Variants in FARS2 observed in about 807,000 individuals in gnomAD.
FARS2 encodes the protein phenylalanine--tRNA ligase, mitochondrial.
A neutral mutation model predicts 46.4 loss-of-function variants in FARS2; 40 were observed. The ratio of observed to expected loss-of-function variants is 0.86; its 90% CI spans 0.67 to 1.12. FARS2 has a LOEUF of 1.12. Ranked by LOEUF, FARS2 falls within the 50% of genes most tolerant of loss-of-function variation. The pLI is 0.00. For synonymous variants in FARS2, 234 were observed against 214.9 expected (o/e 1.09, Z -0.78); for missense variants, 513 against 567.9 (o/e 0.90, Z 0.98).
chr6:5,708,280 A>T (rs1219647745), intron 6 of FARS2, among the ~76,000 whole-genome samples: 1 of 152,132 alleles, frequency 6.6e-6, no homozygotes, highest in Non-Finnish European at 1.5e-5. Context: ...GTTGAACCTA[A>T]ATCTTGCATT....
chr6:5,255,531 A>G, the FARS2 span, among the ~76,000 whole-genome samples: 26 of 152,246 alleles, frequency 1.7e-4, no homozygotes, highest in South Asian at 5.4e-3. Context: ...AATGCGTCCC[A>G]CATAAATGAA....
intron 2 of FARS2, among the ~76,000 whole-genome samples, chr6:5,392,845 ATATAT>A (rs1300534199): frequency 5.6e-4 from 60 of 107,544 alleles, no homozygotes; most frequent in African/African-American, 1.8e-3. Flanking sequence ...ATATGTGTGT[ATATAT>A]TATATGTGTG....
chr6:5,542,242 A>G (rs1359206267), intron 4 of FARS2, among the ~76,000 whole-genome samples: 1 of 152,004 alleles, frequency 6.6e-6, no homozygotes, highest in Non-Finnish European at 1.5e-5. Context: ...TCCTTATTTT[A>G]CCCAGCTCCT....
chr6:5,749,619 G>A (rs554396933), intron 6 of FARS2, among the ~76,000 whole-genome samples: 4 of 152,312 alleles, frequency 2.6e-5, no homozygotes, highest in African/African-American at 7.2e-5. Context: ...AGGCCCCTGT[G>A]AACAGTGTTT....
At chr6:5,252,291 C>T in the FARS2 span, among the ~76,000 whole-genome samples, 2 of 152,162 alleles carry the variant, frequency 1.3e-5, no homozygotes, top group Non-Finnish European at 2.9e-5. Context: ...GGGAGCGAGG[C>T]GGCCTTCTAA....
intron 4 of FARS2, among the ~76,000 whole-genome samples, chr6:5,498,067 G>A (rs921912261): frequency 3.9e-5 from 6 of 152,182 alleles, no homozygotes; most frequent in Admixed American, 3.3e-4. Context: ...GGGAATGGAA[G>A]GGACTCTCTA....
At chr6:5,600,626 A>T (rs1288655235) in intron 5 of FARS2, among the ~76,000 whole-genome samples, 1 of 152,240 alleles carries the variant, frequency 6.6e-6, no homozygotes, top group African/African-American at 2.4e-5. Flanking sequence ...CTGATAGTGC[A>T]TGCTATTTTT....
At chr6:5,344,173 G>A (rs1179537604) in intron 1 of FARS2, among the ~76,000 whole-genome samples, 1 of 152,174 alleles carries the variant, frequency 6.6e-6, no homozygotes, top group Non-Finnish European at 1.5e-5. Context: ...TGTGATTCAG[G>A]AAAGCCACTG....
intron 3 of FARS2, among the ~76,000 whole-genome samples, chr6:5,429,717 G>C (rs1377951926): frequency 6.6e-6 from 1 of 152,200 alleles, no homozygotes; most frequent in Non-Finnish European, 1.5e-5. Flanking sequence ...GGCTGAGCCA[G>C]GAGGATTGCT....
rs376615729 is a variant in FARS2 at position 5,712,107 on chromosome 6, TATTTTAA to T, written c.1218-59181_1218-59175del. On this transcript the variant is annotated intron_variant, in intron 6 of 6. Coordinates refer to ENST00000274680, the MANE Select transcript of FARS2 (RefSeq NM_006567.5). ...TTTTAAAGCGTTCACTTTACCAGATTATTTTAAATATTAAAAAAATACCAAGATGAAA... is the reference window on the plus strand; with the variant it reads ...TTTTAAAGCGTTCACTTTACCAGATTATATTAAAAAAATACCAAGATGAAA... Among the ~76,000 whole-genome samples, 445 of 152,348 alleles carry T rather than the reference TATTTTAA, an allele frequency of 2.9e-3. 3 individuals are homozygous for T. Among genetic ancestry groups the T allele is most frequent in the African/African-American group, 9.8e-3 (406 of 41,580 alleles).
chr6:5,691,707 C>T (rs1434274199), intron 6 of FARS2, among the ~76,000 whole-genome samples: 2 of 152,242 alleles, frequency 1.3e-5, no homozygotes, highest in African/African-American at 4.8e-5. Context: ...CCACTGCTCT[C>T]TTCAAAGCTG....
At chr6:5,766,690 A>C (rs2150985091) in intron 6 of FARS2, among the ~76,000 whole-genome samples, 1 of 152,238 alleles carries the variant, frequency 6.6e-6, no homozygotes, top group African/African-American at 2.4e-5. Flanking sequence ...CATAACATTA[A>C]CCATTTTTTA....
At chr6:5,590,271 T>G (rs922791611) in intron 5 of FARS2, among the ~76,000 whole-genome samples, 25 of 152,210 alleles carry the variant, frequency 1.6e-4, no homozygotes, top group African/African-American at 6.0e-4. Context: ...CTGGTAGCAG[T>G]GTTTCCCCAT....
At chr6:5,646,543 G>T (rs1777085299) in intron 6 of FARS2, among the ~76,000 whole-genome samples, 1 of 152,056 alleles carries the variant, frequency 6.6e-6, no homozygotes, top group Admixed American at 6.6e-5. Context: ...TGCCTAGTAG[G>T]GTGTGGATTA....
At chr6:5,376,089 T>C (rs925323106) in intron 2 of FARS2, among the ~76,000 whole-genome samples, 11 of 152,178 alleles carry the variant, frequency 7.2e-5, no homozygotes, top group South Asian at 2.1e-4. Flanking sequence ...ACTGGATTCT[T>C]TTTTTCATCC....
intron 4 of FARS2, among the ~76,000 whole-genome samples, chr6:5,469,149 G>A (rs534091138): frequency 2.6e-5 from 4 of 152,256 alleles, no homozygotes; most frequent in East Asian, 1.9e-4. Flanking sequence ...CACTTCCAGC[G>A]ACTGTTTCTT....
chr6:5,415,975 G>A (rs1762217268), intron 3 of FARS2, among the ~76,000 whole-genome samples: 1 of 152,184 alleles, frequency 6.6e-6, no homozygotes, highest in African/African-American at 2.4e-5. Context: ...CCAAAGTGCT[G>A]GGATTACAGG....
chr6:5,655,693 A>G (rs1218609964), intron 6 of FARS2, among the ~76,000 whole-genome samples: 1 of 152,002 alleles, frequency 6.6e-6, no homozygotes, highest in Non-Finnish European at 1.5e-5. Context: ...ACATCTCCCC[A>G]TTTCGTGATT....
intron 6 of FARS2, among the ~76,000 whole-genome samples, chr6:5,652,690 G>T (rs562664985): frequency 6.6e-6 from 1 of 152,222 alleles, no homozygotes; most frequent in Non-Finnish European, 1.5e-5. Flanking sequence ...GCTTGTTACC[G>T]TCCGTGGCCT....
Sources: allele counts gnomAD v4.1 joint callset (sites outside exome capture counted in the v4.1 genomes callset), GRCh38; gene constraint gnomAD v4.1.1; transcripts MANE v1.5; gene names NCBI Gene and HGNC (gene_info 2026-07-23, HGNC 2026-07-21).